Variants in WWOX observed in about 807,000 individuals in gnomAD.
WWOX encodes the protein WW domain-containing oxidoreductase.
A neutral mutation model predicts 46.2 loss-of-function variants in WWOX; 69 were observed. The observed-to-expected ratio is 1.49, with a 90% CI of 1.23 to 1.82. WWOX has a LOEUF of 1.82. Ranked by LOEUF, WWOX falls within the 40% of genes most tolerant of loss-of-function variation. The pLI is 0.00. For missense variants in WWOX, 919 were observed against 542.6 expected, an observed-to-expected ratio of 1.69 and a Z score of -6.89; for synonymous variants, 359 against 202.6, an observed-to-expected ratio of 1.77 and a Z score of -6.56.
intron 8 of WWOX, among the ~76,000 whole-genome samples, chr16:78,516,327 T>G (rs2043235137): frequency 1.3e-5 from 2 of 152,176 alleles, no homozygotes; most frequent in Admixed American, 1.3e-4. Context: ...TGGTTTTCCC[T>G]GGACGGTCAC....
At chr16:78,779,907 A>C (rs976929538) in intron 8 of WWOX, among the ~76,000 whole-genome samples, 1 of 152,182 alleles carries the variant, frequency 6.6e-6, no homozygotes, top group African/African-American at 2.4e-5. Context: ...GCTATAGATT[A>C]AAACAGAAGC....
chr16:78,859,423 G>T (rs1402465534), intron 8 of WWOX, among the ~76,000 whole-genome samples: 2 of 152,066 alleles, frequency 1.3e-5, no homozygotes, highest in Non-Finnish European at 2.9e-5. Flanking sequence ...TTACCAGGAA[G>T]AACTGGGTCT....
chr16:79,127,652 G>A (rs962323010), intron 8 of WWOX, among the ~76,000 whole-genome samples: 2 of 152,192 alleles, frequency 1.3e-5, no homozygotes, highest in Non-Finnish European at 2.9e-5. Context: ...TCGGCTGAGA[G>A]AGTATGCACT....
chr16:78,548,971 A>G (rs1034041368), intron 8 of WWOX, among the ~76,000 whole-genome samples: 1 of 152,204 alleles, frequency 6.6e-6, no homozygotes, highest in African/African-American at 2.4e-5. Context: ...TGGCATTTCC[A>G]ACAGATGGAT....
chr16:78,800,411 C>G (rs2050856034), intron 8 of WWOX, among the ~76,000 whole-genome samples: 1 of 152,136 alleles, frequency 6.6e-6, no homozygotes, highest in Non-Finnish European at 1.5e-5. Flanking sequence ...TATCTGCAGG[C>G]TATGATTGTG....
chr16:78,462,810 C>T (rs757124636), intron 8 of WWOX, among the ~76,000 whole-genome samples: 5 of 152,312 alleles, frequency 3.3e-5, no homozygotes, highest in South Asian at 2.1e-4. Context: ...CTCTGAGAAA[C>T]GAGGCAGCGG....
intron 8 of WWOX, among the ~76,000 whole-genome samples, chr16:78,773,503 G>C (rs1240840688): frequency 6.6e-6 from 1 of 152,204 alleles, no homozygotes; most frequent in Non-Finnish European, 1.5e-5. Context: ...CCTTGTGTTA[G>C]CTGAAGTTGG....
chr16:78,629,633 C>T (rs948998997), intron 8 of WWOX, among the ~76,000 whole-genome samples: 1 of 152,222 alleles, frequency 6.6e-6, no homozygotes, highest in South Asian at 2.1e-4. Flanking sequence ...AACCTGCTAC[C>T]TACCCTGCTC....
chr16:78,279,817 A>G (rs1022516184), intron 5 of WWOX, among the ~76,000 whole-genome samples: 4 of 152,168 alleles, frequency 2.6e-5, no homozygotes, highest in Admixed American at 6.5e-5. Flanking sequence ...CTCCTGCCCA[A>G]CCTGAGATGA....
chr16:78,600,488 C>G (rs1343785308), intron 8 of WWOX, among the ~76,000 whole-genome samples: 1 of 152,144 alleles, frequency 6.6e-6, no homozygotes, highest in Non-Finnish European at 1.5e-5. Context: ...CCCCCCAACC[C>G]TCCGTGGGTT....
chr16:78,319,617 G>T (rs915912422), intron 5 of WWOX, among the ~76,000 whole-genome samples: 1 of 152,132 alleles, frequency 6.6e-6, no homozygotes, highest in South Asian at 2.1e-4. Flanking sequence ...AAGAATAAAT[G>T]TGTGTTATTT....
chr16:78,869,185 T>A (rs2044072000), intron 8 of WWOX, among the ~76,000 whole-genome samples: 1 of 152,210 alleles, frequency 6.6e-6, no homozygotes, highest in Non-Finnish European at 1.5e-5. Flanking sequence ...AGCTGACTTA[T>A]TCATGTTCTG....
chr16:78,198,123 G>T (rs1233280709), intron 5 of WWOX, among the ~76,000 whole-genome samples: 2 of 152,090 alleles, frequency 1.3e-5, no homozygotes, highest in East Asian at 3.9e-4. Context: ...CTACGCTCCA[G>T]GTCTCCAGTC....
rs530544140 is a variant in WWOX, at chr16:79,007,371, C to G, written c.1057-204237C>G. On this transcript the variant is annotated intron_variant, in intron 8 of 8. Coordinates refer to ENST00000566780, the MANE Select transcript of WWOX (RefSeq NM_016373.4). ...TGAAGAACTGGAAAGGTGTTCCAGGCAAAAGGAATGGCAAACACAGTGGCC... is the reference window on the plus strand; with the variant it reads ...TGAAGAACTGGAAAGGTGTTCCAGGGAAAAGGAATGGCAAACACAGTGGCC... Among the ~76,000 whole-genome samples the G allele has an allele frequency of 2.0e-5, 3 of 152,224 alleles. No individual in the cohort carries two copies. The East Asian group carries it at 5.8e-4, about 29-fold the overall frequency.
intron 1 of WWOX, among the ~76,000 whole-genome samples, chr16:78,107,061 C>T (rs1026408424): frequency 2.0e-5 from 3 of 152,156 alleles, no homozygotes; most frequent in Admixed American, 6.5e-5. Flanking sequence ...TTAGAAAATT[C>T]GTGCTCTCTG....
At chr16:78,950,760 G>A (rs927410815) in intron 8 of WWOX, among the ~76,000 whole-genome samples, 7 of 152,112 alleles carry the variant, frequency 4.6e-5, no homozygotes, top group African/African-American at 1.4e-4. Context: ...ATGAAATCTG[G>A]AATGATCTAC....
chr16:79,075,208 T>C (rs1227530384), intron 8 of WWOX, among the ~76,000 whole-genome samples: 1 of 152,208 alleles, frequency 6.6e-6, no homozygotes, highest in Non-Finnish European at 1.5e-5. Flanking sequence ...GCTTCCCAGG[T>C]GGTTCTGCTC....
intron 8 of WWOX, among the ~76,000 whole-genome samples, chr16:78,711,501 C>T (rs76964277): frequency 6.6e-6 from 1 of 152,054 alleles, no homozygotes; most frequent in African/African-American, 2.4e-5. Context: ...AATTTTAGAG[C>T]ATACAGCTGT....
At chr16:79,093,153 A>T (rs971041640) in intron 8 of WWOX, among the ~76,000 whole-genome samples, 2 of 152,190 alleles carry the variant, frequency 1.3e-5, no homozygotes, top group African/African-American at 4.8e-5. Context: ...TGACACTTCT[A>T]AAGGAAAAAA....
Sources: gnomAD v4.1 joint callset for allele counts (sites outside exome capture counted in the v4.1 genomes callset) on GRCh38, gnomAD v4.1.1 for gene constraint, MANE v1.5 for transcripts, NCBI Gene and HGNC (gene_info 2026-07-23, HGNC 2026-07-21) for gene names.